ACOXL: variants seen among roughly 807,000 people sequenced by gnomAD.
ACOXL encodes acyl-CoA oxidase like, also known as acyl-coenzyme A oxidase-like protein.
In ACOXL, 70 loss-of-function variants were observed where a neutral mutation model predicts 71.9. The ratio of observed to expected loss-of-function variants is 0.97; its 90% confidence interval spans 0.80 to 1.19. The LOEUF is 1.19. Ranked by LOEUF, ACOXL falls within the 50% of genes most tolerant of loss-of-function variation. ACOXL has a pLI of 0.00. For missense variants in ACOXL, 703 were observed against 736.3 expected, an observed-to-expected ratio of 0.95 and a Z score of 0.52; for synonymous variants, 253 against 281.6, an observed-to-expected ratio of 0.90 and a Z score of 1.02.
chr2:110,793,612 C>T (rs755383686), intron 3 of ACOXL, 38 bp from the exon 4 acceptor site: 1 of 1,567,178 alleles, frequency 6.4e-7, no homozygotes, highest in Non-Finnish European at 8.8e-7. Context: ...AGATTGCTGA[C>T]TGTTGCTAAT....
At chr2:110,771,817 C>T (rs781024467) in intron 2 of ACOXL, among the ~76,000 whole-genome samples, 1 of 152,204 alleles carries the variant, frequency 6.6e-6, no homozygotes, top group Non-Finnish European at 1.5e-5. Context: ...AGAATTGGAT[C>T]CTGGGCTGGG....
intron 15 of ACOXL, among the ~76,000 whole-genome samples, chr2:111,041,868 TC>T (rs1335551328): frequency 6.6e-6 from 1 of 152,202 alleles, no homozygotes; most frequent in Non-Finnish European, 1.5e-5. Context: ...GTGCTCTGTC[TC>T]CCGACTTTGT....
chr2:110,793,726 A>G lies in ACOXL; in HGVS notation c.236A>G (p.Gln79Arg). The G allele has an allele frequency of 1.2e-6, 2 of 1,613,904 alleles. No individual in the cohort carries two copies. Among genetic ancestry groups the G allele is most frequent in the Non-Finnish European group, 1.7e-6 (2 of 1,179,766 alleles). ...GSPEHVTKWF[Q>R]PLQEQKYTGM... ...CCTGAACATGTTACTAAGTGGTTTC[A>G]GCCACTCCAGGTATGGTATTTTCCT... The change falls in exon 4 of 18, where the codon CAG (glutamine) becomes CGG (arginine). Residue 79 changes from glutamine (Q) to arginine (R), a missense_variant. By Grantham distance (43) the Gln-to-Arg change is conservative (BLOSUM62 1). Coordinates refer to ENST00000439055, the MANE Select transcript of ACOXL (RefSeq NM_001142807.4).
intron 9 of ACOXL, among the ~76,000 whole-genome samples, chr2:110,809,833 C>T (rs1289649626): frequency 6.6e-6 from 1 of 152,168 alleles, no homozygotes; most frequent in Non-Finnish European, 1.5e-5. Context: ...CCCTTCTCAC[C>T]GCACATGGAG....
intron 12 of ACOXL, among the ~76,000 whole-genome samples, chr2:110,982,449 C>T (rs1006678937): frequency 6.6e-6 from 1 of 152,008 alleles, no homozygotes; most frequent in African/African-American, 2.4e-5. Context: ...TTCTGTCATC[C>T]CTTCCATCTC....
chr2:110,816,848 A>C (rs1388902771), intron 9 of ACOXL, among the ~76,000 whole-genome samples: 1 of 152,116 alleles, frequency 6.6e-6, no homozygotes, highest in Non-Finnish European at 1.5e-5. Context: ...CAAACAGGCC[A>C]CCCTGGTCAC....
intron 15 of ACOXL, among the ~76,000 whole-genome samples, chr2:111,046,080 C>T (rs527318560): frequency 2.6e-5 from 4 of 152,326 alleles, no homozygotes; most frequent in African/African-American, 9.6e-5. Flanking sequence ...GGAAAAACTC[C>T]ATGTGTCATG....
At chr2:111,014,934 CCTT>C (rs1202341444) in intron 14 of ACOXL, among the ~76,000 whole-genome samples, 3 of 152,236 alleles carry the variant, frequency 2.0e-5, no homozygotes, top group East Asian at 1.9e-4. Context: ...TTAACTGTGA[CCTT>C]CTTTTCTGCA....
chr2:110,928,293 C>T (rs777387831), intron 11 of ACOXL, among the ~76,000 whole-genome samples: 11 of 152,208 alleles, frequency 7.2e-5, no homozygotes, highest in Non-Finnish European at 1.0e-4. Flanking sequence ...GACAAATCAA[C>T]GGGACAGAGA....
chr2:110,798,258 CTT>C (rs112847463), intron 5 of ACOXL, among the ~76,000 whole-genome samples: 94 of 137,850 alleles, frequency 6.8e-4, no homozygotes, highest in African/African-American at 1.6e-3. Flanking sequence ...GTATTCATTG[CTT>C]TTTTTTTTTT....
intron 9 of ACOXL, among the ~76,000 whole-genome samples, chr2:110,827,664 G>A (rs953028480): frequency 6.6e-6 from 1 of 152,158 alleles, no homozygotes; most frequent in Non-Finnish European, 1.5e-5. Context: ...AACACTTTCA[G>A]GGTGGTATCA....
intron 10 of ACOXL, among the ~76,000 whole-genome samples, chr2:110,878,831 G>A (rs1014330887): frequency 4.6e-5 from 7 of 151,828 alleles, no homozygotes; most frequent in South Asian, 2.1e-4. Context: ...AGGCTGAGGC[G>A]GGTGGATCAC....
intron 16 of ACOXL, among the ~76,000 whole-genome samples, chr2:111,076,485 G>A (rs2067604959): frequency 6.6e-6 from 1 of 151,614 alleles, no homozygotes; most frequent in South Asian, 2.1e-4. Context: ...ATTTTATTTG[G>A]AGTTATTTTT....
At chr2:110,813,804 C>T (rs1014194787) in intron 9 of ACOXL, among the ~76,000 whole-genome samples, 2 of 152,166 alleles carry the variant, frequency 1.3e-5, no homozygotes, top group East Asian at 1.9e-4. Context: ...CCTTCCTGAT[C>T]AGGGACAATT....
chr2:110,788,250 C>A (rs898217324), intron 3 of ACOXL, among the ~76,000 whole-genome samples: 1 of 152,152 alleles, frequency 6.6e-6, no homozygotes, highest in African/African-American at 2.4e-5. Flanking sequence ...TTTCCGTCAA[C>A]AGAGGAGTGG....
At chr2:111,092,197 A>G (rs1051688739) in intron 16 of ACOXL, among the ~76,000 whole-genome samples, 1 of 152,220 alleles carries the variant, frequency 6.6e-6, no homozygotes, top group African/African-American at 2.4e-5. Context: ...TGATGGAGAC[A>G]TGAGGCCCAT....
chr2:110,889,785 A>G (rs1697732019), intron 10 of ACOXL, among the ~76,000 whole-genome samples: 4 of 152,206 alleles, frequency 2.6e-5, no homozygotes, highest in Admixed American at 2.6e-4. Context: ...GCTAGTGTGA[A>G]TATGCTCCTA....
chr2:110,819,622 A>C (rs1482622650), intron 9 of ACOXL, among the ~76,000 whole-genome samples: 1 of 152,204 alleles, frequency 6.6e-6, no homozygotes, highest in Non-Finnish European at 1.5e-5. Context: ...AGGGAATTCA[A>C]GTTGGAATGC....
chr2:110,748,814 A>G (rs1678564478), intron 1 of ACOXL, among the ~76,000 whole-genome samples: 1 of 152,148 alleles, frequency 6.6e-6, no homozygotes. Context: ...CCCACCTGTC[A>G]TTTGTGTGAC....
Sources: gnomAD v4.1 joint callset for allele counts (sites outside exome capture counted in the v4.1 genomes callset) on GRCh38, gnomAD v4.1.1 for gene constraint, MANE v1.5 for transcripts, NCBI Gene and HGNC (gene_info 2026-07-23, HGNC 2026-07-21) for gene names.